Variants in SCYGR3 observed in about 807,000 individuals in gnomAD.
SCYGR3 encodes the protein small cysteine and glycine repeat containing 3, also known as small cysteine and glycine repeat-containing protein 3.
exon 1 of SCYGR3, chr2:227,614,755 C>A: frequency 2.5e-6 from 1 of 402,144 alleles, no homozygotes; most frequent in East Asian, 3.6e-5. Flanking sequence ...ACCACAGCCA[C>A]CACCGCAGCC....
At chr2:227,614,765 C>T in exon 1 of SCYGR3, 1 of 405,446 alleles carries the variant, frequency 2.5e-6, no homozygotes, top group Non-Finnish European at 4.3e-6. Context: ...CCACCGCAGC[C>T]ACCACCGCAG....
exon 1 of SCYGR3, chr2:227,614,605 C>T (rs952601615): frequency 2.5e-6 from 1 of 398,774 alleles, no homozygotes; most frequent in Non-Finnish European, 4.4e-6. Context: ...GCCACAGCCA[C>T]ATGAGCGGCA....
At chr2:227,614,680 G>A (rs545266679) in exon 1 of SCYGR3, 267 of 398,784 alleles carry the variant, frequency 6.7e-4, no homozygotes, top group African/African-American at 4.1e-3. Context: ...GCGGCAGCAG[G>A]GGCAGCAGCT....
exon 1 of SCYGR3, chr2:227,614,639 C>G (rs1171483240): frequency 2.5e-6 from 1 of 398,754 alleles, no homozygotes; most frequent in Admixed American, 4.4e-5. Flanking sequence ...CAGCAGATCA[C>G]AGGTGTGCTG....
At position 227,614,758 on chromosome 2, in the gene SCYGR3, CCG is replaced by C. The variant is rs1693901112; in HGVS notation, c.81_82del (p.Cys27TrpfsTer57). The C allele has an allele frequency of 2.5e-6, 1 of 402,926 alleles. No individual in the cohort carries two copies. Among genetic ancestry groups the C allele is most frequent in the African/African-American group, 2.1e-5 (1 of 47,516 alleles). The allele number at this position is 402,926 out of a possible 1,614,324, so 25.0% of individuals were successfully genotyped here. On this transcript the variant is annotated frameshift_variant, in exon 1 of 1. Coordinates refer to ENST00000642029, the Ensembl canonical transcript of SCYGR3. LOFTEE classifies it low-confidence loss of function (END_TRUNC). Reference sequence around the variant, plus strand: ...GCCACAGACACCACCACAGCCACCACCGCAGCCACCACCGCAGCCACCACCGC... The same window carrying C: ...GCCACAGACACCACCACAGCCACCACCAGCCACCACCGCAGCCACCACCGC...
At chr2:227,614,541 ACAGCAGCATTGCTTCTGG>A in exon 1 of SCYGR3, 1 of 398,742 alleles carries the variant, frequency 2.5e-6, no homozygotes, top group Non-Finnish European at 4.4e-6. Flanking sequence ...GCCCTACCTA[ACAGCAGCATTGCTTCTGG>A]CAGCAGCACT....
At chr2:227,614,728 C>T (rs896854923) in exon 1 of SCYGR3, 45 of 400,010 alleles carry the variant, frequency 1.1e-4, no homozygotes, top group Non-Finnish European at 1.7e-4. Context: ...GCAGGTGGTG[C>T]AGCTGCCACA....
exon 1 of SCYGR3, chr2:227,614,754 A>G (rs1012523553): frequency 4.5e-5 from 18 of 401,316 alleles, no homozygotes; most frequent in Admixed American, 1.3e-4. Context: ...CACCACAGCC[A>G]CCACCGCAGC....
chr2:227,614,610 G>A (rs1693897143), exon 1 of SCYGR3: 1 of 398,598 alleles, frequency 2.5e-6, no homozygotes. Flanking sequence ...AGCCACATGA[G>A]CGGCAGGTGC....
rs963086618 is a variant in SCYGR3 at position 227,614,602 on chromosome 2, C to A, written c.239G>T (p.Gly80Val). Residue 80 changes from glycine (G) to valine (V), a missense_variant, in exon 1 of 1, where the codon GGC (glycine) becomes GTC (valine). Coordinates refer to ENST00000642029, the Ensembl canonical transcript of SCYGR3. ...GCAACAGCCCTTCCTACAGCCACAG[C>A]CACATGAGCGGCAGGTGCGGCGGCA... 7 of 398,754 alleles carry A rather than the reference C, an allele frequency of 1.8e-5. No individual in the cohort carries two copies. The East Asian group carries it at 2.5e-4, about 14-fold the overall frequency. 24.7% of individuals were successfully genotyped at this position (398,754 alleles called of 1,614,324 possible).
exon 1 of SCYGR3, chr2:227,614,593 C>T (rs1004608882): frequency 2.3e-5 from 9 of 398,662 alleles, no homozygotes; most frequent in Non-Finnish European, 3.1e-5. Flanking sequence ...GCCCTTCCTA[C>T]AGCCACAGCC....
At chr2:227,614,803 C>A in exon 1 of SCYGR3, 1 of 407,264 alleles carries the variant, frequency 2.5e-6, no homozygotes, top group Non-Finnish European at 4.3e-6. Context: ...ACAGCCACCA[C>A]CACAGCCACC....
chr2:227,614,560 C>A (rs1693894448), exon 1 of SCYGR3: 3 of 398,678 alleles, frequency 7.5e-6, no homozygotes, highest in African/African-American at 2.1e-5. Context: ...TTGCTTCTGG[C>A]AGCAGCACTT....
exon 1 of SCYGR3, chr2:227,614,701 C>T: frequency 2.5e-6 from 1 of 399,068 alleles, no homozygotes; most frequent in Non-Finnish European, 4.4e-6. Context: ...GGAGCAGCAG[C>T]CCACCCGGTA....
exon 1 of SCYGR3, chr2:227,614,787 G>GCCACCACAGCCA (rs1184433086): frequency 4.2e-5 from 17 of 402,226 alleles, no homozygotes; most frequent in Non-Finnish European, 6.0e-5. Flanking sequence ...CACCACCGCA[G>GCCACCACAGCCA]CCACCACAGC....
chr2:227,614,655 G>A (rs1259523327), exon 1 of SCYGR3: 1 of 398,838 alleles, frequency 2.5e-6, no homozygotes, highest in Admixed American at 4.4e-5. Context: ...TGCTGCAACA[G>A]CCTCCACAGC....
chr2:227,614,613 G>A, exon 1 of SCYGR3: 1 of 398,730 alleles, frequency 2.5e-6, no homozygotes, highest in Admixed American at 4.4e-5. Flanking sequence ...CACATGAGCG[G>A]CAGGTGCGGC....
In SCYGR3 at chr2:227,614,748, A is replaced by G. The variant is rs548958071; in HGVS notation, c.93T>C (p.Cys31=). The G allele has an allele frequency of 5.0e-3, 2,000 of 400,954 alleles. 37 individuals carry two copies. The highest frequency in any genetic ancestry group is 0.035 in the African/African-American group (1,716 of 48,438). 24.8% of individuals were successfully genotyped at this position (400,954 alleles called of 1,614,324 possible). The change falls in exon 1 of 1, where the codon TGT becomes TGC. Residue 31 remains cysteine (C), a synonymous_variant. Coordinates refer to ENST00000642029, the Ensembl canonical transcript of SCYGR3. ...TGGTGCAGCTGCCACAGACACCACC[A>G]CAGCCACCACCGCAGCCACCACCGC... is the stretch of plus-strand genomic sequence containing the variant.
chr2:227,614,751 G>A (rs1693900876), exon 1 of SCYGR3: 1 of 400,732 alleles, frequency 2.5e-6, no homozygotes, highest in African/African-American at 2.1e-5. Context: ...CACCACCACA[G>A]CCACCACCGC....
Sources: allele counts gnomAD v4.1 joint callset, GRCh38; gene constraint gnomAD v4.1.1; transcripts MANE v1.5; gene names NCBI Gene and HGNC (gene_info 2026-07-23, HGNC 2026-07-21).